RANBP2: variants seen among roughly 807,000 people sequenced by gnomAD.
RANBP2 encodes the protein E3 SUMO-protein ligase RanBP2.
A neutral mutation model predicts 303.6 loss-of-function variants in RANBP2; 57 were observed. That is an observed-to-expected ratio of 0.19 (90% CI 0.15 to 0.23). The LOEUF (loss-of-function observed/expected upper bound fraction) is 0.23. Among genes scored for constraint, RANBP2 ranks in the 10% least tolerant of loss-of-function variants. RANBP2 has a pLI of 1.00. For synonymous variants in RANBP2, 1,167 were observed against 1,301.5 expected (o/e 0.90, Z 2.23); for missense variants, 3,138 against 3,780.8 (o/e 0.83, Z 4.46).
the RANBP2 span, among the ~76,000 whole-genome samples, chr2:109,098,007 C>T: frequency 1.2e-4 from 19 of 152,150 alleles, no homozygotes; most frequent in Middle Eastern, 3.2e-3. Context: ...CCCTGGAAGG[C>T]AAAGCTTTTG....
the RANBP2 span, chr2:108,923,399 G>C: frequency 6.2e-7 from 1 of 1,614,234 alleles, no homozygotes; most frequent in Non-Finnish European, 8.5e-7. Flanking sequence ...CCAGGAGGCA[G>C]GAGTAGCAGA....
At chr2:108,837,646 C>T in the RANBP2 span, among the ~76,000 whole-genome samples, 1 of 152,152 alleles carries the variant, frequency 6.6e-6, no homozygotes, top group East Asian at 1.9e-4. Context: ...CCTGTGCTGC[C>T]AGTTACATAA....
At chr2:108,731,135 T>C (rs1185175565) in intron 3 of RANBP2, among the ~76,000 whole-genome samples, 187 bp from the exon 4 acceptor site, 1 of 152,192 alleles carries the variant, frequency 6.6e-6, no homozygotes, top group African/African-American at 2.4e-5. Context: ...AATTTTTATT[T>C]GATTCATTTC....
the RANBP2 span, among the ~76,000 whole-genome samples, chr2:108,957,069 C>T: frequency 1.3e-5 from 2 of 152,214 alleles, no homozygotes; most frequent in Non-Finnish European, 2.9e-5. Context: ...GAATTACAGG[C>T]GTGAGCCGCC....
chr2:108,850,057 A>G, the RANBP2 span, among the ~76,000 whole-genome samples: 6 of 152,208 alleles, frequency 3.9e-5, no homozygotes, highest in Non-Finnish European at 8.8e-5. Flanking sequence ...CCTAGGAAGA[A>G]ATGTCAGAGC....
At chr2:108,914,901 T>TC in the RANBP2 span, among the ~76,000 whole-genome samples, 1 of 152,156 alleles carries the variant, frequency 6.6e-6, no homozygotes, top group Non-Finnish European at 1.5e-5. Flanking sequence ...GAAGCAAGCT[T>TC]CCTAGTTGGA....
chr2:108,752,114 T>A, intron 12 of RANBP2, 120 bp downstream of exon 12: 6 of 1,555,712 alleles, frequency 3.9e-6, no homozygotes, highest in Non-Finnish European at 5.2e-6. Flanking sequence ...ATGACAGATG[T>A]GTTTTTTATT....
chr2:109,422,209 C>T, the RANBP2 span, among the ~76,000 whole-genome samples: 4 of 152,224 alleles, frequency 2.6e-5, no homozygotes, highest in African/African-American at 7.2e-5. Flanking sequence ...AACAACAGTG[C>T]ACTGCTGCCC....
the RANBP2 span, among the ~76,000 whole-genome samples, chr2:109,012,236 G>A: frequency 6.6e-6 from 1 of 152,190 alleles, no homozygotes; most frequent in African/African-American, 2.4e-5. Context: ...TTCCTCTTGG[G>A]CTGGACAGTT....
chr2:108,788,077 C>T, downstream of RANBP2: 2 of 1,600,186 alleles, frequency 1.2e-6, no homozygotes, highest in Non-Finnish European at 1.7e-6. Flanking sequence ...GAGAAGAACT[C>T]TAACCTCCCC....
chr2:108,900,686 T>G, the RANBP2 span, among the ~76,000 whole-genome samples: 1 of 151,912 alleles, frequency 6.6e-6, no homozygotes, highest in African/African-American at 2.4e-5. Context: ...TTCAATATAA[T>G]GAGAGAGGCG....
the RANBP2 span, among the ~76,000 whole-genome samples, chr2:108,851,206 C>T: frequency 1.3e-4 from 20 of 152,270 alleles, no homozygotes; most frequent in African/African-American, 4.3e-4. Flanking sequence ...GAACTTCTGT[C>T]CCCTCCCTGG....
the RANBP2 span, among the ~76,000 whole-genome samples, chr2:109,270,064 C>T: frequency 5.3e-5 from 8 of 152,312 alleles, no homozygotes; most frequent in Admixed American, 6.5e-5. Flanking sequence ...AGCAGGATGC[C>T]GTGAGCTTGG....
At chr2:109,458,572 CAG>C in the RANBP2 span, among the ~76,000 whole-genome samples, 3,651 of 122,830 alleles carry the variant, frequency 0.03, 183 homozygotes, top group African/African-American at 0.086. Context: ...CAGCAGGAGA[CAG>C]AGAGAGAGAG....
chr2:109,412,543 C>G, the RANBP2 span, among the ~76,000 whole-genome samples: 1 of 152,234 alleles, frequency 6.6e-6, no homozygotes, highest in South Asian at 2.1e-4. Flanking sequence ...GTGCCAGTGC[C>G]TGGGAGCACA....
chr2:109,282,270 G>A, the RANBP2 span, among the ~76,000 whole-genome samples: 1 of 152,128 alleles, frequency 6.6e-6, no homozygotes, highest in South Asian at 2.1e-4. Context: ...TGAGAAATGA[G>A]TGTAGATCAG....
the RANBP2 span, among the ~76,000 whole-genome samples, chr2:109,723,408 C>T: frequency 2.6e-5 from 4 of 152,282 alleles, no homozygotes; most frequent in East Asian, 7.7e-4. Context: ...CTTTGGCCCC[C>T]CAAAGTGCTG....
the RANBP2 span, chr2:109,567,893 T>G: frequency 6.2e-7 from 1 of 1,614,020 alleles, no homozygotes; most frequent in Non-Finnish European, 8.5e-7. Flanking sequence ...TGCTGACCAA[T>G]TCACTCATGA....
the RANBP2 span, among the ~76,000 whole-genome samples, chr2:109,252,789 G>A: frequency 6.6e-6 from 1 of 152,172 alleles, no homozygotes; most frequent in African/African-American, 2.4e-5. Flanking sequence ...GTATAATAAA[G>A]TGTTGAATAT....
Sources: allele counts gnomAD v4.1 joint callset (sites outside exome capture counted in the v4.1 genomes callset), GRCh38; gene constraint gnomAD v4.1.1; transcripts MANE v1.5; gene names NCBI Gene and HGNC (gene_info 2026-07-23, HGNC 2026-07-21).